Variants in FDFT1 observed in about 807,000 individuals in gnomAD.
FDFT1 encodes squalene synthase.
Under a neutral mutation model 46.8 loss-of-function variants are expected in FDFT1, and 68 were observed. The ratio of observed to expected loss-of-function variants is 1.45; its 90% CI spans 1.19 to 1.78. The LOEUF is 1.78. Among genes scored for constraint, FDFT1 ranks in the 40% most tolerant of loss-of-function variants. The pLI is 0.00. For synonymous variants in FDFT1, 351 were observed against 185.1 expected, an observed-to-expected ratio of 1.90 and a Z score of -7.28; for missense variants, 928 against 524.4, an observed-to-expected ratio of 1.77 and a Z score of -7.52.
At chr8:11,798,700 G>C (rs1463109187), upstream of FDFT1, among the ~76,000 whole-genome samples, 4 of 152,152 alleles carry the variant, frequency 2.6e-5, no homozygotes, top group Non-Finnish European at 4.4e-5. Context: ...AGGCACCATC[G>C]TGTCCTATAC....
At chr8:11,831,308 T>G (rs1294690251) in intron 6 of FDFT1, among the ~76,000 whole-genome samples, 1 of 152,212 alleles carries the variant, frequency 6.6e-6, no homozygotes, top group Non-Finnish European at 1.5e-5. Flanking sequence ...TTAGACTGCT[T>G]AATTCTGTGT....
chr8:11,798,594 CA>C (rs1210812460), upstream of FDFT1, among the ~76,000 whole-genome samples: 1 of 152,164 alleles, frequency 6.6e-6, no homozygotes, highest in Admixed American at 6.5e-5. Flanking sequence ...TTTGTGATTA[CA>C]AAACTGAGAG....
chr8:11,808,601 C>T (rs1283237491), intron 1 of FDFT1, 193 bp from the exon 2 acceptor site: 12 of 1,391,916 alleles, frequency 8.6e-6, no homozygotes, highest in African/African-American at 3.0e-5. Context: ...CGCCCAGGGG[C>T]CCGGGCGCAG....
upstream of FDFT1, among the ~76,000 whole-genome samples, chr8:11,797,638 C>CAAAAAAAAAAAAAAAAAAAAAAAA (rs34350077): frequency 2.6e-5 from 2 of 75,524 alleles, no homozygotes; most frequent in African/African-American, 5.4e-5. Context: ...CACACACACT[C>CAAAAAAAAAAAAAAAAAAAAAAAA]AAAAAAAAAA....
chr8:11,808,188 T>C, intron 1 of FDFT1: 2 of 980,536 alleles, frequency 2.0e-6, no homozygotes, highest in Non-Finnish European at 2.5e-6. Context: ...GAGTACAAAG[T>C]CCAGGCCTTA....
At chr8:11,803,882 C>G (rs1348056801) in intron 1 of FDFT1, 4 of 153,236 alleles carry the variant, frequency 2.6e-5, no homozygotes, top group Non-Finnish European at 4.4e-5. Flanking sequence ...ATCTTTAATA[C>G]AGGTACATCC....
chr8:11,838,243 G>T (rs1294254476), intron 7 of FDFT1, 145 bp from the exon 8 acceptor site: 1 of 669,894 alleles, frequency 1.5e-6, no homozygotes, highest in African/African-American at 1.8e-5. Context: ...GATGGCTTTG[G>T]GTAAGTTATG....
chr8:11,809,670 C>A lies in FDFT1; in HGVS notation c.201C>A (p.Asn67Lys), dbSNP rs8417. Residue 67 changes from asparagine (N) to lysine (K), a missense_variant, in exon 3 of 8, where the codon AAC becomes AAA. Asn to Lys is a moderately conservative substitution (Grantham distance 94). Transcript: ENST00000220584. ...VIQALDGEMR[N>K]AVCIFYLVLR... ...AATAGTTTTCCCTTTTTTACAGCAA[C>A]GCAGTGTGCATATTTTATCTGGTTC... is the stretch of plus-strand genomic sequence containing the variant. 6.2e-7 allele frequency: 1 copy of A among 1,603,304 alleles called. No individual in the cohort carries two copies. Among genetic ancestry groups the A allele is most frequent in the African/African-American group, 1.3e-5 (1 of 74,334 alleles).
intron 3 of FDFT1, among the ~76,000 whole-genome samples, chr8:11,820,252 C>T (rs1446178686): frequency 1.3e-5 from 2 of 152,152 alleles, no homozygotes; most frequent in African/African-American, 4.8e-5. Context: ...TATGAGGTGT[C>T]TGTCGGCCCC....
chr8:11,795,964 C>G lies in FDFT1; in HGVS notation c.-141C>G, dbSNP rs550382295. ...GGTTTCATTCCTGAAGTCAGTGAGA[C>G]CAAGAACCAACCAATTCCGGACACA... is the stretch of plus-strand genomic sequence containing the variant. On this transcript the variant is annotated 5_prime_UTR_variant, in exon 1 of 8. Transcript: ENST00000538689. 5 of 152,380 alleles carry G rather than the reference C, an allele frequency of 3.3e-5. No homozygotes were observed. The South Asian group carries it at 8.3e-4, about 25-fold the overall frequency. 9.4% of individuals were successfully genotyped at this position (152,380 alleles called of 1,614,324 possible).
At position 11,838,519 on chromosome 8, in the gene FDFT1, G is replaced by A. The variant is rs745911401; in HGVS notation, c.1164G>A (p.Ser388=). ...GCCACTACTCCCCCATCTACCTGTC[G>A]TTTGTCATGCTTTTGGCTGCCCTGA... ...SRSHYSPIYL[S]FVMLLAALSW... is the part of the protein sequence containing the mutation. Residue 388 remains serine, a synonymous_variant, in exon 8 of 8, where the codon TCG becomes TCA. Coordinates refer to ENST00000220584, the MANE Select transcript of FDFT1 (RefSeq NM_004462.5). 30 of 1,608,930 alleles carry A rather than the reference G, an allele frequency of 1.9e-5. No homozygotes were observed. Among genetic ancestry groups the A allele is most frequent in the Admixed American group, 6.7e-5 (4 of 59,298 alleles).
chr8:11,796,166 A>C (rs566618514), intron 1 of FDFT1, among the ~76,000 whole-genome samples: 1 of 152,360 alleles, frequency 6.6e-6, no homozygotes, highest in Non-Finnish European at 1.5e-5. Flanking sequence ...TACAAGGCTA[A>C]ACAAAATACA....
chr8:11,837,703 T>A (rs1811732938), intron 7 of FDFT1, among the ~76,000 whole-genome samples: 1 of 151,996 alleles, frequency 6.6e-6, no homozygotes, highest in Non-Finnish European at 1.5e-5. Context: ...AGGTTTGAGA[T>A]CTCCTTGGTG....
At chr8:11,823,582 T>G (rs1164344829) in intron 4 of FDFT1, among the ~76,000 whole-genome samples, 1 of 145,702 alleles carries the variant, frequency 6.9e-6, no homozygotes, top group Non-Finnish European at 1.5e-5. Flanking sequence ...CAGAGACGAC[T>G]TTTTTTTTTT....
upstream of FDFT1, chr8:11,801,838 C>T (rs977994403): frequency 2.5e-6 from 1 of 396,108 alleles, no homozygotes; most frequent in Non-Finnish European, 4.9e-6. Flanking sequence ...GGACTACAGG[C>T]GCCCACCACC....
chr8:11,819,128 T>C (rs1437211464), intron 3 of FDFT1, among the ~76,000 whole-genome samples: 4 of 152,212 alleles, frequency 2.6e-5, no homozygotes, highest in African/African-American at 9.7e-5. Context: ...GTTTGGCTGG[T>C]TATGAGATTC....
intron 3 of FDFT1, among the ~76,000 whole-genome samples, chr8:11,818,848 C>A (rs1808825388): frequency 1.3e-5 from 2 of 152,098 alleles, no homozygotes; most frequent in South Asian, 4.1e-4. Flanking sequence ...ATTTAGCCCA[C>A]TTATATTTAA....
rs757371863 is a variant in FDFT1, at chr8:11,839,248, A to G, written c.*639A>G. The stretch of plus-strand genomic sequence containing the variant: ...ACCTTTTAGAAGATTGGTCTCCAGT[A>G]AAGGTGGACATTTTTGAGATTTTTA... On this transcript the variant is annotated 3_prime_UTR_variant, in exon 8 of 8. Transcript: ENST00000220584. 2.0e-5 allele frequency: 3 copies of G among 152,578 alleles called. No individual in the cohort carries two copies. Among genetic ancestry groups the G allele is most frequent in the Non-Finnish European group, 4.4e-5 (3 of 68,316 alleles). 9.5% of individuals were successfully genotyped at this position (152,578 alleles called of 1,614,324 possible). A position where few individuals can be genotyped will look rare whatever the true frequency, so the allele number is the denominator to read the frequency against.
intron 2 of FDFT1, 194 bp downstream of exon 2, chr8:11,809,085 C>T (rs1225331179): frequency 1.3e-5 from 16 of 1,258,872 alleles, no homozygotes; most frequent in Non-Finnish European, 1.4e-5. Flanking sequence ...AGAGTCCCTG[C>T]GGGCCCAGCC....
Sources: allele counts gnomAD v4.1 joint callset (sites outside exome capture counted in the v4.1 genomes callset), GRCh38; gene constraint gnomAD v4.1.1; transcripts MANE v1.5; gene names NCBI Gene and HGNC (gene_info 2026-07-23, HGNC 2026-07-21).